Variants in TM7SF2 observed in about 807,000 individuals in gnomAD.
TM7SF2 encodes the protein transmembrane 7 superfamily member 2, also known as delta(14)-sterol reductase TM7SF2.
TM7SF2 carries 51 observed loss-of-function variants against 51.0 expected under a neutral mutation model. The ratio of observed to expected loss-of-function variants is 1.00; its 90% CI spans 0.80 to 1.26. The LOEUF is 1.26. Ranked by LOEUF, TM7SF2 falls within the 50% of genes most tolerant of loss-of-function variation. The pLI, the probability that TM7SF2 is intolerant of heterozygous loss-of-function variation, is 0.00. For missense variants in TM7SF2, 541 were observed against 547.4 expected (o/e 0.99, Z 0.12); for synonymous variants, 255 against 241.0 (o/e 1.06, Z -0.54).
chr11:65,114,596 C>A, intron 5 of TM7SF2, 117 bp from the exon 6 acceptor site: 1 of 1,294,264 alleles, frequency 7.7e-7, no homozygotes, highest in South Asian at 1.5e-5. Flanking sequence ...GGGTCTAGGG[C>A]CTGGATCCAC....
chr11:65,111,881 C>T lies in TM7SF2; in HGVS notation c.-135C>T. 9.2e-7 allele frequency: 1 copy of T among 1,091,700 alleles called. No homozygotes were observed. Among genetic ancestry groups the T allele is most frequent in the Middle Eastern group, 2.3e-4 (1 of 4,282 alleles). 67.6% of individuals were successfully genotyped at this position (1,091,700 alleles called of 1,614,324 possible). A position where few individuals can be genotyped will look rare whatever the true frequency, so the allele number is the denominator to read the frequency against. ...GACGAGAGCGGTCCTTGTCTGCGTT[C>T]CGTGTCCAGGCAGGTGCAGGCGCCG... On this transcript the variant is annotated 5_prime_UTR_variant, in exon 1 of 10. Coordinates refer to ENST00000279263, the MANE Select transcript of TM7SF2 (RefSeq NM_003273.6).
chr11:65,112,288 C>T (rs1212999825), intron 1 of TM7SF2: 5 of 650,614 alleles, frequency 7.7e-6, no homozygotes, highest in Non-Finnish European at 1.3e-5. Flanking sequence ...CGACTGGGAG[C>T]AGGAGGAGGG....
At chr11:65,113,854 CAGGGATGACGTTAGG>C (rs1185207093) in intron 5 of TM7SF2, 2 of 521,742 alleles carry the variant, frequency 3.8e-6, no homozygotes, top group African/African-American at 3.8e-5. Context: ...TACAGCATGT[CAGGGATGACGTTAGG>C]AGAGCACGTG....
chr11:65,114,953 T>C lies in TM7SF2; in HGVS notation c.764T>C (p.Phe255Ser). Residue 255 changes from phenylalanine to serine, a missense_variant, in exon 7 of 10, where the codon TTT becomes TCT. By Grantham distance (155) the Phe-to-Ser change is radical (BLOSUM62 -2). Transcript: ENST00000279263. The part of the protein sequence containing the change: ...LTTMDITHDG[F>S]GFMLAFGDMA... ...ACCATGGATATCACACATGACGGGT[T>C]TGGCTTCATGCTGGCGTTTGGGGAC... The C allele has an allele frequency of 6.2e-7, 1 of 1,614,212 alleles. No individual in the cohort carries two copies. The highest frequency in any genetic ancestry group is 2.2e-5 in the East Asian group (1 of 44,882).
chr11:65,112,924 C>T, intron 3 of TM7SF2, 59 bp downstream of exon 3: 1 of 1,538,300 alleles, frequency 6.5e-7, no homozygotes, highest in South Asian at 1.2e-5. Context: ...AGCTCCAGGC[C>T]TAGCGGGGAG....
intron 3 of TM7SF2, 78 bp from the exon 4 acceptor site, chr11:65,113,142 T>G: frequency 7.0e-7 from 1 of 1,424,560 alleles, no homozygotes; most frequent in South Asian, 1.4e-5. Context: ...CCCCCCTGAG[T>G]TTTGGGCTCT....
At chr11:65,112,135 A>AG in intron 1 of TM7SF2, 68 bp downstream of exon 1, 1 of 1,488,376 alleles carries the variant, frequency 6.7e-7, no homozygotes, top group Non-Finnish European at 9.1e-7. Flanking sequence ...GGGTGAACTA[A>AG]GAGCGGGGGC....
At position 65,112,905 on chromosome 11, in the gene TM7SF2, C is replaced by T. The variant is rs568633386; in HGVS notation, c.304+40C>T. On this transcript the variant is annotated intron_variant, in intron 3 of 9. Coordinates refer to ENST00000279263, the MANE Select transcript of TM7SF2 (RefSeq NM_003273.6). Reference sequence around the variant, plus strand: ...GGCCCTCGCGCTGGAGTTAAGCGGCCGGGGGTGGAGCTCCAGGCCTAGCGG... The same window carrying T: ...GGCCCTCGCGCTGGAGTTAAGCGGCTGGGGGTGGAGCTCCAGGCCTAGCGG... 337 of 1,548,360 alleles carry T rather than the reference C, an allele frequency of 2.2e-4. 1 individual carries two copies. The South Asian group carries it at 3.7e-3, about 17-fold the overall frequency.
chr11:65,114,323 G>A (rs537807563), intron 5 of TM7SF2, among the ~76,000 whole-genome samples: 1 of 152,286 alleles, frequency 6.6e-6, no homozygotes, highest in Non-Finnish European at 1.5e-5. Flanking sequence ...CACTGAGCAC[G>A]TACCACTTGC....
Position 65,113,613 on chromosome 11 carries a change from A to T in TM7SF2, c.603+19A>T. 2 of 1,602,590 alleles carry T rather than the reference A, an allele frequency of 1.2e-6. No individual in the cohort carries two copies. Among genetic ancestry groups the T allele is most frequent in the Non-Finnish European group, 1.7e-6 (2 of 1,170,916 alleles). On this transcript the variant is annotated intron_variant, in intron 5 of 9. Coordinates refer to ENST00000279263, the MANE Select transcript of TM7SF2 (RefSeq NM_003273.6). ...CGGCTGGGTATGTTGGGCTTGACTG[A>T]GCTGGCCTCAGGCCAGGGGGAGGGT...
In TM7SF2 at chr11:65,113,574, C is replaced by G. The variant is rs1026908692; in HGVS notation, c.583C>G (p.Arg195Gly). 7 of 1,613,952 alleles carry G rather than the reference C, an allele frequency of 4.3e-6. No individual in the cohort carries two copies. Among genetic ancestry groups the G allele is most frequent in the Admixed American group, 1.7e-5 (1 of 60,006 alleles). ...CGACTTCAAATATTTCTGTGAACTGCGACCCGGCCTCATCGGCTGGGTATG... is the reference window on the plus strand; with the variant it reads ...CGACTTCAAATATTTCTGTGAACTGGGACCCGGCCTCATCGGCTGGGTATG... ...FFDFKYFCEL[R>G]PGLIGWVLIN... The change falls in exon 5 of 10, where the codon CGA becomes GGA. Residue 195 changes from arginine (R) to glycine (G), a missense_variant. Arg to Gly is a moderately radical substitution (Grantham distance 125). Coordinates refer to ENST00000279263, the MANE Select transcript of TM7SF2 (RefSeq NM_003273.6).
At chr11:65,112,365 G>T in intron 1 of TM7SF2, 150 bp from the exon 2 acceptor site, 1 of 903,098 alleles carries the variant, frequency 1.1e-6, no homozygotes, top group Non-Finnish European at 1.6e-6. Context: ...AGGCAGCGGG[G>T]TGCCTGGGGG....
chr11:65,115,595 T>C lies in TM7SF2; in HGVS notation c.1093T>C (p.Cys365Arg). The C allele has an allele frequency of 1.2e-6, 2 of 1,613,942 alleles. No individual in the cohort carries two copies. The highest frequency in any genetic ancestry group is 2.2e-5 in the East Asian group (1 of 44,876). Reference protein sequence around the residue: ...LIMALAWSLPCGVSHLLPYFY... With the variant: ...LIMALAWSLPRGVSHLLPYFY... ...CATGGCTCTGGCTTGGTCCTTGCCC[T>C]GCGGTGAGTGGCCCATGTGGATATG... The change falls in exon 9 of 10, where the codon TGC (cysteine) becomes CGC (arginine). Residue 365 changes from cysteine (C) to arginine (R), a missense_variant. Transcript: ENST00000279263.
Position 65,111,989 on chromosome 11 carries a change from C to A in TM7SF2, c.-27C>A. 1 of 1,571,134 alleles carries A rather than the reference C, an allele frequency of 6.4e-7. No individual in the cohort carries two copies. ...TTTCCTTGACTGACTATTGTGAGCG[C>A]CCTCTCTCTCCGGCGGAGCGGAGAC... On this transcript the variant is annotated 5_prime_UTR_variant, in exon 1 of 10. Transcript: ENST00000279263.
chr11:65,113,830 A>G (rs913400876), intron 5 of TM7SF2: 30 of 571,932 alleles, frequency 5.2e-5, no homozygotes, highest in Non-Finnish European at 9.1e-5. Flanking sequence ...ACAGAAAAAA[A>G]TAAGTAAAAT....
Position 65,115,373 on chromosome 11 carries a change from C to T in TM7SF2, c.952C>T (p.Pro318Ser), listed in dbSNP as rs1263894495. ...CCAGAAAAACACTTTCCGAAAGAAT[C>T]CTTCTGACCCCAGAGTGGCTGGTGA... ...NSQKNTFRKN[P>S]SDPRVAGLET... Residue 318 changes from proline to serine, a missense_variant, in exon 8 of 10, where the codon CCT (proline) becomes TCT (serine). By Grantham distance (74) the Pro-to-Ser change is moderately conservative. Transcript: ENST00000279263. 1.2e-6 allele frequency: 2 copies of T among 1,614,098 alleles called. No individual in the cohort carries two copies. The highest frequency in any genetic ancestry group is 1.7e-6 in the Non-Finnish European group (2 of 1,180,030).
rs1259409363 is a variant in TM7SF2 at position 65,113,472 on chromosome 11, A to G, written c.500-19A>G. ...GATTGGGGCGTCTGCCTGTACATTC[A>G]CTCTCCAATATTCTCCAGGCAATCC... On this transcript the variant is annotated intron_variant, in intron 4 of 9. Coordinates refer to ENST00000279263, the MANE Select transcript of TM7SF2 (RefSeq NM_003273.6). 6.2e-7 allele frequency: 1 copy of G among 1,613,818 alleles called. No individual in the cohort carries two copies. The highest frequency in any genetic ancestry group is 2.2e-5 in the East Asian group (1 of 44,870).
intron 2 of TM7SF2, 48 bp downstream of exon 2, chr11:65,112,759 C>T (rs944307673): frequency 1.7e-5 from 26 of 1,549,162 alleles, no homozygotes; most frequent in Non-Finnish European, 2.1e-5. Flanking sequence ...CGAATGGGCT[C>T]GGCGAGGGAA....
chr11:65,113,016 G>A, intron 3 of TM7SF2, 151 bp downstream of exon 3: 1 of 1,095,584 alleles, frequency 9.1e-7, no homozygotes, highest in Non-Finnish European at 1.3e-6. Context: ...CTCTCCCTAT[G>A]CCCCTCGTCC....
Sources: gnomAD v4.1 joint callset for allele counts (sites outside exome capture counted in the v4.1 genomes callset) on GRCh38, gnomAD v4.1.1 for gene constraint, MANE v1.5 for transcripts, NCBI Gene and HGNC (gene_info 2026-07-23, HGNC 2026-07-21) for gene names.